MYO18A: variants seen among roughly 807,000 people sequenced by gnomAD.
The protein encoded by MYO18A is myosin XVIIIA, also known as unconventional myosin-XVIIIa.
Under a neutral mutation model 235.8 loss-of-function variants are expected in MYO18A, and 78 were observed. The ratio of observed to expected loss-of-function variants is 0.33; its 90% CI spans 0.28 to 0.40. The LOEUF is 0.40. Ranked by LOEUF, MYO18A falls within the 10% of genes least tolerant of loss-of-function variation. The probability of loss-of-function intolerance (pLI) is 1.00; values close to 1 mark genes in which losing one functional copy is unlikely to be tolerated. For missense variants in MYO18A, 2,215 were observed against 2,699.3 expected (o/e 0.82, Z 3.98); for synonymous variants, 977 against 1,077.8 (o/e 0.91, Z 1.83).
rs570474763 is a variant in MYO18A, at chr17:29,179,904, C to T, written c.-82+409G>A. Among the ~76,000 whole-genome samples, 8 of 152,218 alleles carry T rather than the reference C, an allele frequency of 5.3e-5. No homozygotes were observed. In the East Asian group the frequency reaches 1.6e-3, roughly 30 times the overall value. Reference sequence around the variant, plus strand: ...TTCCTCAGCGCCCCGCTCTCTCGCTCGCTCCATCGTGGGGCCTGGACGGGG... The same window carrying T: ...TTCCTCAGCGCCCCGCTCTCTCGCTTGCTCCATCGTGGGGCCTGGACGGGG... On this transcript the variant is annotated intron_variant, in intron 1 of 41. Transcript: ENST00000527372.
Position 29,090,106 on chromosome 17 carries a change from TG to T in MYO18A, c.5389-9del. The T allele has an allele frequency of 1.9e-6, 3 of 1,609,726 alleles. No homozygotes were observed. Among genetic ancestry groups the T allele is most frequent in the South Asian group, 1.1e-5 (1 of 90,308 alleles). ...GCTCTGGAGGGCTTGTAGCTAGAGG[TG>T]GGGGACAGGAAGAGAAGAAAGAACT... On this transcript the variant is annotated splice_polypyrimidine_tract_variant and intron_variant, in intron 36 of 41. Coordinates refer to ENST00000527372, the MANE Select transcript of MYO18A (RefSeq NM_078471.4).
chr17:29,094,905 C>G, intron 29 of MYO18A, 31 bp downstream of exon 29: 1 of 1,613,318 alleles, frequency 6.2e-7, no homozygotes, highest in Non-Finnish European at 8.5e-7. Context: ...GTGAGGGGGA[C>G]AGGGCACAGA....
At chr17:29,076,749 T>A (rs2065990245) in intron 41 of MYO18A, 1 of 152,218 alleles carries the variant, frequency 6.6e-6, no homozygotes, top group South Asian at 2.1e-4. Flanking sequence ...AGTGGGAGCC[T>A]GGTTTGGTTC....
intron 26 of MYO18A, 61 bp from the exon 27 acceptor site, chr17:29,097,411 G>A: frequency 1.3e-6 from 2 of 1,588,298 alleles, no homozygotes; most frequent in Non-Finnish European, 1.7e-6. Flanking sequence ...AAGGGGCAGA[G>A]GGGAAGGAGG....
In MYO18A at chr17:29,071,539, G is replaced by C. The variant is rs1451315123; in HGVS notation, c.*3231C>G. ...CAGCACCTCTCTTTCCCTGCCCCAGGACCTTTACTTAAACTCTTCTTCTTC... is the reference window on the plus strand; with the variant it reads ...CAGCACCTCTCTTTCCCTGCCCCAGCACCTTTACTTAAACTCTTCTTCTTC... On this transcript the variant is annotated 3_prime_UTR_variant, in exon 42 of 42. Transcript: ENST00000527372. The C allele has an allele frequency of 6.6e-6, 1 of 152,176 alleles. No individual in the cohort carries two copies. Among genetic ancestry groups the C allele is most frequent in the Non-Finnish European group, 1.5e-5 (1 of 68,048 alleles). The allele number at this position is 152,176 out of a possible 1,614,324, so 9.4% of individuals were successfully genotyped here. A position where few individuals can be genotyped will look rare whatever the true frequency, so the allele number is the denominator to read the frequency against.
chr17:29,096,209 G>A (rs575907899), intron 28 of MYO18A, among the ~76,000 whole-genome samples: 37 of 152,288 alleles, frequency 2.4e-4, no homozygotes, highest in African/African-American at 8.2e-4. Flanking sequence ...TCCCCAGGGC[G>A]CCCTGCTGTT....
intron 1 of MYO18A, among the ~76,000 whole-genome samples, chr17:29,176,928 A>G (rs1025168850): frequency 1.4e-4 from 21 of 151,960 alleles, no homozygotes; most frequent in African/African-American, 5.1e-4. Flanking sequence ...CTGCGATCCC[A>G]TCTCCCCCGG....
chr17:29,171,034 TG>T (rs1451719117), intron 1 of MYO18A, among the ~76,000 whole-genome samples: 1 of 152,152 alleles, frequency 6.6e-6, no homozygotes, highest in Non-Finnish European at 1.5e-5. Context: ...TAACCTATGG[TG>T]GGGGTAGGAG....
At chr17:29,152,936 A>C (rs2067989492) in intron 2 of MYO18A, among the ~76,000 whole-genome samples, 1 of 152,010 alleles carries the variant, frequency 6.6e-6, no homozygotes, top group South Asian at 2.1e-4. Context: ...GCTGGTCTTG[A>C]ACTCCTAGCC....
intron 30 of MYO18A, 22 bp from the exon 31 acceptor site, chr17:29,094,112 T>C: frequency 1.3e-6 from 2 of 1,573,298 alleles, no homozygotes; most frequent in Non-Finnish European, 1.7e-6. Context: ...TGGAGTAGGG[T>C]CTGGGTTCCC....
At chr17:29,075,693 G>C (rs2065956773) in intron 41 of MYO18A, 2 of 164,074 alleles carry the variant, frequency 1.2e-5, no homozygotes, top group Middle Eastern at 3.4e-3. Context: ...ACAGGGAAGA[G>C]GGGACCTCAT....
At chr17:29,127,751 C>A (rs965702993) in intron 2 of MYO18A, 10 of 608,146 alleles carry the variant, frequency 1.6e-5, no homozygotes, top group Non-Finnish European at 2.1e-5. Flanking sequence ...CTCGGTCATG[C>A]GGGGTTCGCT....
In MYO18A at chr17:29,166,569, G is replaced by C; in HGVS notation, c.372C>G (p.Phe124Leu). 6.2e-7 allele frequency: 1 copy of C among 1,613,798 alleles called. No individual in the cohort carries two copies. The highest frequency in any genetic ancestry group is 8.5e-7 in the Non-Finnish European group (1 of 1,179,874). The change falls in exon 2 of 42, where the codon TTC becomes TTG. Residue 124 changes from phenylalanine to leucine, a missense_variant. Transcript: ENST00000527372. ...GTGAGTTCTGCTTGGCCAGTGAGCC[G>C]AACTTGGCTGCCCGCTGCAGCACCG... ...RGSVLQRAAK[F>L]GSLAKQNSQM... is the part of the protein sequence containing the mutation.
At chr17:29,138,334 C>T (rs1486556711) in intron 2 of MYO18A, among the ~76,000 whole-genome samples, 2 of 152,042 alleles carry the variant, frequency 1.3e-5, no homozygotes, top group East Asian at 1.9e-4. Flanking sequence ...TTTCCCGCCT[C>T]GCCGCTTCTG....
intron 33 of MYO18A, 67 bp from the exon 34 acceptor site, chr17:29,092,523 C>T: frequency 1.5e-6 from 2 of 1,336,702 alleles, no homozygotes; most frequent in Non-Finnish European, 2.1e-6. Context: ...GAGGGCTGTA[C>T]AGGAAAGAGG....
chr17:29,162,979 G>A (rs1337956278), intron 2 of MYO18A, among the ~76,000 whole-genome samples: 1 of 152,230 alleles, frequency 6.6e-6, no homozygotes, highest in Non-Finnish European at 1.5e-5. Context: ...GCCATGGAGA[G>A]GAGCCGGGGG....
intron 2 of MYO18A, among the ~76,000 whole-genome samples, chr17:29,127,133 C>T (rs2152880101): frequency 6.6e-6 from 1 of 152,298 alleles, no homozygotes; most frequent in East Asian, 1.9e-4. Context: ...TTACTTAAAA[C>T]CCTTATTAAC....
At chr17:29,105,640 G>A (rs2066765916) in intron 20 of MYO18A, among the ~76,000 whole-genome samples, 2 of 152,264 alleles carry the variant, frequency 1.3e-5, no homozygotes, top group South Asian at 4.2e-4. Context: ...CTGATGTCCT[G>A]AGATCTGAAG....
In MYO18A at chr17:29,074,653, G is replaced by T; in HGVS notation, c.*117C>A. The T allele has an allele frequency of 8.6e-7, 1 of 1,157,484 alleles. No homozygotes were observed. The highest frequency in any genetic ancestry group is 1.3e-6 in the Non-Finnish European group (1 of 788,034). 71.7% of individuals were successfully genotyped at this position (1,157,484 alleles called of 1,614,324 possible). ...GCCCCTGACAGAAGAAGGTCAGGGT[G>T]TTTCCCATGCAGATCAGCAGTCGGG... On this transcript the variant is annotated 3_prime_UTR_variant, in exon 42 of 42. Transcript: ENST00000527372. This position sits in a 1 kb window ranked among gnomAD's most constrained non-coding sequence, Gnocchi z 4.4.
Sources: gnomAD v4.1 joint callset for allele counts (sites outside exome capture counted in the v4.1 genomes callset) on GRCh38, gnomAD v4.1.1 for gene constraint, Gnocchi (gnomAD v3.1) non-coding constraint, MANE v1.5 for transcripts, NCBI Gene and HGNC (gene_info 2026-07-23, HGNC 2026-07-21) for gene names.